The following RASL10B variants were observed in gnomAD, a reference collection of about 807,000 sequenced individuals.
RASL10B encodes RAS like family 10 member B.
RASL10B carries 10 observed loss-of-function variants against 20.7 expected under a neutral mutation model. That is an observed-to-expected ratio of 0.48 (90% CI 0.30 to 0.82). The LOEUF (loss-of-function observed/expected upper bound fraction) is 0.82. RASL10B is among the 40% of genes least tolerant of loss of function. RASL10B has a pLI of 0.07. For missense variants in RASL10B, 231 were observed against 295.4 expected (o/e 0.78, Z 1.60); for synonymous variants, 110 against 123.3 (o/e 0.89, Z 0.72).
At chr17:35,734,976 G>T (rs1468041355) in intron 1 of RASL10B, 62 bp from the exon 2 acceptor site, 2 of 593,452 alleles carry the variant, frequency 3.4e-6, no homozygotes, top group Non-Finnish European at 6.0e-6. Flanking sequence ...CCCAAAGGTG[G>T]AAAAGTGCAG....
chr17:35,734,442 C>T (rs1193414629), intron 1 of RASL10B, among the ~76,000 whole-genome samples: 1 of 152,160 alleles, frequency 6.6e-6, no homozygotes, highest in Non-Finnish European at 1.5e-5. Context: ...AGAGTAAGTG[C>T]TCAGCAGTGT....
intron 1 of RASL10B, among the ~76,000 whole-genome samples, chr17:35,734,534 G>A (rs2085577641): frequency 6.6e-6 from 1 of 152,162 alleles, no homozygotes. Flanking sequence ...GGAGTTTTTG[G>A]TCATCATGGT....
At chr17:35,737,342 T>G (rs1416634680) in intron 2 of RASL10B, among the ~76,000 whole-genome samples, 1 of 152,066 alleles carries the variant, frequency 6.6e-6, no homozygotes, top group African/African-American at 2.4e-5. Context: ...TATTATAACC[T>G]GAAGATTTTT....
chr17:35,731,991 G>C (rs2085560863), intron 1 of RASL10B, 113 bp downstream of exon 1: 1 of 150,830 alleles, frequency 6.6e-6, no homozygotes, highest in African/African-American at 2.4e-5. Context: ...AGGGGCGTCC[G>C]GGACTAGGAG....
chr17:35,740,640 T>C, intron 3 of RASL10B, 107 bp downstream of exon 3: 3 of 1,312,138 alleles, frequency 2.3e-6, no homozygotes, highest in Non-Finnish European at 3.2e-6. Flanking sequence ...GTATATGTGT[T>C]CTAAGATTTC....
chr17:35,734,272 GGAA>G (rs1350985975), intron 1 of RASL10B, among the ~76,000 whole-genome samples: 1 of 152,174 alleles, frequency 6.6e-6, no homozygotes, highest in Non-Finnish European at 1.5e-5. Flanking sequence ...CTTGAAAGTT[GGAA>G]GAAGTACTGC....
Position 35,740,409 on chromosome 17 carries a change from G to T in RASL10B, c.217G>T (p.Glu73Ter). The T allele has an allele frequency of 6.2e-7, 1 of 1,613,474 alleles. No individual in the cohort carries two copies. Among genetic ancestry groups the T allele is most frequent in the Non-Finnish European group, 8.5e-7 (1 of 1,179,700 alleles). ...ISAFPVNTLQ[E>*]WADTCCRGLR... ...CTGGTACTGGCTGGGGATATTGCAG[G>T]AGTGGGCAGACACCTGCTGCAGGGG... Residue 73 changes from glutamate (E) to a stop codon, truncating the protein, a stop_gained and splice_region_variant, in exon 3 of 4, where the codon GAG (glutamate) becomes TAG (stop). Transcript: ENST00000603017. LOFTEE classifies it high-confidence loss of function.
chr17:35,741,255 G>T lies in RASL10B; in HGVS notation c.562G>T (p.Ala188Ser). 1 of 1,569,344 alleles carries T rather than the reference G, an allele frequency of 6.4e-7. No individual in the cohort carries two copies. ...GCARCKHVHAALRFQGALRRN... is the reference protein window; with the variant it reads ...GCARCKHVHASLRFQGALRRN... ...CGCCCGTTGCAAGCACGTGCACGCT[G>T]CCCTGCGCTTCCAGGGCGCGCTGCG... The change falls in exon 4 of 4, where the codon GCC becomes TCC. Residue 188 changes from alanine to serine, a missense_variant. By Grantham distance (99) the Ala-to-Ser change is moderately conservative (BLOSUM62 1). Coordinates refer to ENST00000603017, the MANE Select transcript of RASL10B (RefSeq NM_033315.4).
chr17:35,741,232 C>T lies in RASL10B; in HGVS notation c.539C>T (p.Ala180Val), dbSNP rs1374769238. Reference protein sequence around the residue: ...FSELLKSVGCARCKHVHAALR... With the variant: ...FSELLKSVGCVRCKHVHAALR... Reference sequence around the variant, plus strand: ...GAGCTGCTCAAGAGCGTCGGCTGCGCCCGTTGCAAGCACGTGCACGCTGCC... The same window carrying T: ...GAGCTGCTCAAGAGCGTCGGCTGCGTCCGTTGCAAGCACGTGCACGCTGCC... The change falls in exon 4 of 4, where the codon GCC becomes GTC. Residue 180 changes from alanine (A) to valine (V), a missense_variant. Coordinates refer to ENST00000603017, the MANE Select transcript of RASL10B (RefSeq NM_033315.4). 6.2e-7 allele frequency: 1 copy of T among 1,606,872 alleles called. No individual in the cohort carries two copies. The highest frequency in any genetic ancestry group is 8.5e-7 in the Non-Finnish European group (1 of 1,177,110).
chr17:35,741,026 G>T lies in RASL10B; in HGVS notation c.342-9G>T. 1.9e-6 allele frequency: 3 copies of T among 1,583,314 alleles called. No homozygotes were observed. The highest frequency in any genetic ancestry group is 2.3e-5 in the East Asian group (1 of 44,158). On this transcript the variant is annotated splice_polypyrimidine_tract_variant and intron_variant, in intron 3 of 3. Transcript: ENST00000603017. ...GACAGAGTTCTGAGCTGCCTGCCTC[G>T]CCCCACAGGGTGATCGGAACCTCAG...
chr17:35,740,057 C>T (rs1478245068), intron 2 of RASL10B, among the ~76,000 whole-genome samples: 1 of 152,160 alleles, frequency 6.6e-6, no homozygotes, highest in Non-Finnish European at 1.5e-5. Context: ...GTCCAACACC[C>T]AGCTCAGAGC....
chr17:35,734,783 T>C (rs2085579651), intron 1 of RASL10B, among the ~76,000 whole-genome samples: 1 of 152,196 alleles, frequency 6.6e-6, no homozygotes, highest in African/African-American at 2.4e-5. Context: ...CACTCTGCTC[T>C]GCAGCCTGTT....
At chr17:35,733,924 G>A (rs1555596700) in intron 1 of RASL10B, among the ~76,000 whole-genome samples, 1 of 152,248 alleles carries the variant, frequency 6.6e-6, no homozygotes, top group Non-Finnish European at 1.5e-5. Context: ...CACCTGCTAT[G>A]TGCCAGGCCC....
At chr17:35,733,034 C>A (rs1312855204) in intron 1 of RASL10B, among the ~76,000 whole-genome samples, 4 of 152,216 alleles carry the variant, frequency 2.6e-5, no homozygotes, top group Admixed American at 2.6e-4. Context: ...GGAAGGAGTT[C>A]AGGGTCCTAA....
intron 2 of RASL10B, among the ~76,000 whole-genome samples, chr17:35,738,503 G>A (rs1336874050): frequency 6.6e-6 from 1 of 152,150 alleles, no homozygotes; most frequent in Non-Finnish European, 1.5e-5. Flanking sequence ...TTCTATCAGA[G>A]AAGGAAGCTG....
intron 2 of RASL10B, among the ~76,000 whole-genome samples, chr17:35,737,900 C>CAAA (rs11351393): frequency 4.5e-4 from 44 of 97,732 alleles, no homozygotes; most frequent in Admixed American, 2.3e-3. Context: ...GGCCCTGTCT[C>CAAA]AAAAAAAAAA....
Position 35,740,367 on chromosome 17 carries a change from T to C in RASL10B, c.217-42T>C, listed in dbSNP as rs369669976. On this transcript the variant is annotated intron_variant, in intron 2 of 3. Coordinates refer to ENST00000603017, the MANE Select transcript of RASL10B (RefSeq NM_033315.4). Reference sequence around the variant, plus strand: ...AGGTGTTTGGGGGCTAGGGGAGCCCTCATGGCTGCTCTGACCCTGGTACTG... The same window carrying C: ...AGGTGTTTGGGGGCTAGGGGAGCCCCCATGGCTGCTCTGACCCTGGTACTG... 5.0e-5 allele frequency: 80 copies of C among 1,603,232 alleles called. 1 individual carries two copies. In the African/African-American group the frequency reaches 8.7e-4, roughly 17 times the overall value.
chr17:35,740,626 AGAGG>A, intron 3 of RASL10B, 93 bp downstream of exon 3: 3 of 1,429,420 alleles, frequency 2.1e-6, no homozygotes, highest in Non-Finnish European at 2.9e-6. Context: ...GGACACAGAT[AGAGG>A]TATATGTGTT....
rs2085631427 is a variant in RASL10B at position 35,741,860 on chromosome 17, AG to A, written c.*558del. On this transcript the variant is annotated 3_prime_UTR_variant, in exon 4 of 4. Transcript: ENST00000603017. The stretch of plus-strand genomic sequence containing the variant: ...TTCTGACTGTCAGCACCACCGGCAC[AG>A]GGCAGAGATGCGGGTGGCCCAAGGA... 6.5e-6 allele frequency: 1 copy of A among 152,768 alleles called. No individual in the cohort carries two copies. Among genetic ancestry groups the A allele is most frequent in the Non-Finnish European group, 1.5e-5 (1 of 68,284 alleles). The allele number at this position is 152,768 out of a possible 1,614,324, so 9.5% of individuals were successfully genotyped here. A position where few individuals can be genotyped will look rare whatever the true frequency, so the allele number is the denominator to read the frequency against.
Sources: gnomAD v4.1 joint callset for allele counts (sites outside exome capture counted in the v4.1 genomes callset) on GRCh38, gnomAD v4.1.1 for gene constraint, MANE v1.5 for transcripts, NCBI Gene and HGNC (gene_info 2026-07-23, HGNC 2026-07-21) for gene names.